SCGB2B2: variants seen among roughly 807,000 people sequenced by gnomAD.
SCGB2B2 encodes secretoglobin-like protein.
SCGB2B2 carries 11 observed loss-of-function variants against 7.6 expected under a neutral mutation model. That is an observed-to-expected ratio of 1.45 (90% confidence interval 0.91 to 2.40). The LOEUF (loss-of-function observed/expected upper bound fraction) is 2.40. SCGB2B2 is among the 30% of genes most tolerant of loss of function. SCGB2B2 has a pLI of 0.00. For missense variants in SCGB2B2, 104 were observed against 115.4 expected, an observed-to-expected ratio of 0.90 and a Z score of 0.45; for synonymous variants, 50 against 48.6, an observed-to-expected ratio of 1.03 and a Z score of -0.12.
At chr19:34,611,624 A>G (rs1051173820) in intron 1 of SCGB2B2, among the ~76,000 whole-genome samples, 4 of 148,848 alleles carry the variant, frequency 2.7e-5, no homozygotes, top group African/African-American at 9.9e-5. Context: ...TTCTATTTTA[A>G]TTTGTTTCAA....
chr19:34,624,145 CAG>C (rs1313740757), intron 1 of SCGB2B2, among the ~76,000 whole-genome samples: 1 of 152,212 alleles, frequency 6.6e-6, no homozygotes, highest in Non-Finnish European at 1.5e-5. Flanking sequence ...TCTTTCTAGG[CAG>C]AGAGGTGTGG....
At chr19:34,628,187 AC>A (rs1476580542) in intron 1 of SCGB2B2, among the ~76,000 whole-genome samples, 1 of 152,198 alleles carries the variant, frequency 6.6e-6, no homozygotes, top group East Asian at 1.9e-4. Context: ...CAAAATTGAC[AC>A]CCTAACATCA....
Position 34,593,055 on chromosome 19 carries a change from G to T in SCGB2B2, c.*500C>A, listed in dbSNP as rs1255900180. 1.3e-5 allele frequency among the ~76,000 whole-genome samples: 2 copies of T among 152,188 alleles called. No homozygotes were observed. The highest frequency in any genetic ancestry group is 4.8e-5 in the African/African-American group (2 of 41,442). On this transcript the variant is annotated 3_prime_UTR_variant, in exon 4 of 4. Coordinates refer to ENST00000601241, the MANE Select transcript of SCGB2B2 (RefSeq NM_001025591.4). ...ACAGGCATATCGACTGGACACAGTG[G>T]CTCATGCCTCTAACCCTAGCACGTT...
intron 1 of SCGB2B2, among the ~76,000 whole-genome samples, chr19:34,670,307 T>C (rs1467610248): frequency 6.6e-6 from 1 of 152,218 alleles, no homozygotes; most frequent in Admixed American, 6.5e-5. Context: ...TGTTTACCTT[T>C]TCACAAACTG....
intron 1 of SCGB2B2, among the ~76,000 whole-genome samples, chr19:34,642,323 G>C (rs1437143051): frequency 3.9e-5 from 6 of 152,286 alleles, no homozygotes; most frequent in African/African-American, 1.4e-4. Context: ...CTAACATAGG[G>C]AGCTGCTGAA....
In SCGB2B2 at chr19:34,595,972, T is replaced by A. The variant is rs1361313208; in HGVS notation, c.-1409A>T. ...CCGGTGCAGAGGACACTCACTGGGC[T>A]GCTGAGAGCCATGTAGAACCGCAGA... On this transcript the variant is annotated 5_prime_UTR_variant, in exon 2 of 4. Transcript: ENST00000601241. 6.6e-6 allele frequency: 1 copy of A among 152,300 alleles called. No homozygotes were observed. The highest frequency in any genetic ancestry group is 1.5e-5 in the Non-Finnish European group (1 of 68,102). The allele number at this position is 152,300 out of a possible 1,614,324, so 9.4% of individuals were successfully genotyped here.
At chr19:34,668,788 G>C (rs2146194726) in intron 1 of SCGB2B2, among the ~76,000 whole-genome samples, 1 of 152,254 alleles carries the variant, frequency 6.6e-6, no homozygotes, top group Admixed American at 6.5e-5. Flanking sequence ...CTAATCTAGT[G>C]GGGACGTGGA....
chr19:34,652,373 A>G (rs111908243), intron 1 of SCGB2B2, among the ~76,000 whole-genome samples: 2,968 of 151,450 alleles, frequency 0.02, 61 homozygotes, highest in South Asian at 0.085. Context: ...GAATGGCCAA[A>G]AAAATTGTAA....
intron 1 of SCGB2B2, among the ~76,000 whole-genome samples, chr19:34,670,530 C>T (rs1336102521): frequency 1.3e-5 from 2 of 152,210 alleles, no homozygotes; most frequent in African/African-American, 4.8e-5. Context: ...TGCCATCCCT[C>T]TATCTTCTTT....
intron 1 of SCGB2B2, among the ~76,000 whole-genome samples, chr19:34,620,869 G>A (rs1039094222): frequency 4.6e-5 from 7 of 152,092 alleles, no homozygotes; most frequent in South Asian, 4.1e-4. Flanking sequence ...TTATGAGAAT[G>A]TATACTGGGA....
intron 1 of SCGB2B2, among the ~76,000 whole-genome samples, chr19:34,623,256 G>C (rs1568434090): frequency 6.6e-6 from 1 of 152,170 alleles, no homozygotes; most frequent in Non-Finnish European, 1.5e-5. Flanking sequence ...ATATGTGAGT[G>C]AAGTTGGGAC....
intron 1 of SCGB2B2, among the ~76,000 whole-genome samples, chr19:34,643,116 T>TA (rs1394415430): frequency 6.6e-6 from 1 of 152,222 alleles, no homozygotes; most frequent in Non-Finnish European, 1.5e-5. Context: ...CTTGTATGTT[T>TA]ATCACAGCAC....
intron 1 of SCGB2B2, among the ~76,000 whole-genome samples, chr19:34,664,700 G>A (rs1035193580): frequency 2.8e-4 from 42 of 152,068 alleles, no homozygotes; most frequent in African/African-American, 9.4e-4. Context: ...CTAGGGCCCC[G>A]GCCACTGAGA....
intron 1 of SCGB2B2, among the ~76,000 whole-genome samples, chr19:34,605,766 A>AT (rs1236273915): frequency 1.3e-5 from 2 of 151,196 alleles, no homozygotes; most frequent in Non-Finnish European, 3.0e-5. Context: ...TTTTTTTTGT[A>AT]TTTTTTTAGT....
Position 34,624,779 on chromosome 19 carries a change from C to T in SCGB2B2, c.-2031-28185G>A, listed in dbSNP as rs772976371. On this transcript the variant is annotated intron_variant, in intron 1 of 3. Transcript: ENST00000601241. ...TCTGTGAAAGGGAGCTAGGTTGGAA[C>T]AGAGCCAACATTCCCAACACCCAAG... Among the ~76,000 whole-genome samples the T allele has an allele frequency of 3.1e-4, 47 of 152,266 alleles. 1 individual carries two copies. Among genetic ancestry groups the T allele is most frequent in the Non-Finnish European group, 3.4e-4 (23 of 68,026 alleles).
intron 1 of SCGB2B2, among the ~76,000 whole-genome samples, chr19:34,644,474 C>T (rs1362438849): frequency 3.3e-5 from 5 of 151,658 alleles, no homozygotes; most frequent in African/African-American, 7.3e-5. Context: ...GCCACCATCA[C>T]CACTATCGAT....
chr19:34,636,609 T>C (rs906474976), intron 1 of SCGB2B2, among the ~76,000 whole-genome samples: 1 of 151,808 alleles, frequency 6.6e-6, no homozygotes, highest in Non-Finnish European at 1.5e-5. Context: ...GAGGGAACAG[T>C]GGAAAGGAAG....
At position 34,652,099 on chromosome 19, in the gene SCGB2B2, C is replaced by A. The variant is rs538476988; in HGVS notation, c.-2032+23531G>T. On this transcript the variant is annotated intron_variant, in intron 1 of 3. Transcript: ENST00000601241. Reference sequence around the variant, plus strand: ...GTATGCCAAAAAAAATGAAACTAGACCCCTATCTCTCATTATATTGATAAA... The same window carrying A: ...GTATGCCAAAAAAAATGAAACTAGAACCCTATCTCTCATTATATTGATAAA... 6.6e-5 allele frequency among the ~76,000 whole-genome samples: 10 copies of A among 150,986 alleles called. No homozygotes were observed. In the South Asian group the frequency reaches 2.1e-3, roughly 31 times the overall value.
chr19:34,671,042 C>T (rs764032169), intron 1 of SCGB2B2, among the ~76,000 whole-genome samples: 134 of 152,276 alleles, frequency 8.8e-4, no homozygotes, highest in Non-Finnish European at 9.4e-4. Context: ...TCTGCCTCAG[C>T]CTCCCAAGTA....
Sources: gnomAD v4.1 joint callset for allele counts (sites outside exome capture counted in the v4.1 genomes callset) on GRCh38, gnomAD v4.1.1 for gene constraint, MANE v1.5 for transcripts, NCBI Gene and HGNC (gene_info 2026-07-23, HGNC 2026-07-21) for gene names.